The following ZNF516 variants were observed in gnomAD, a reference collection of about 807,000 sequenced individuals.
ZNF516 encodes the protein zinc finger protein 516.
ZNF516 carries 19 observed loss-of-function variants against 79.7 expected under a neutral mutation model. The observed-to-expected ratio is 0.24, with a 90% CI of 0.17 to 0.35. The LOEUF (loss-of-function observed/expected upper bound fraction) is 0.35. ZNF516 is among the 10% of genes least tolerant of loss of function. ZNF516 has a pLI of 1.00. For synonymous variants in ZNF516, 877 were observed against 739.5 expected (o/e 1.19, Z -3.02); for missense variants, 1,678 against 1,679.5 (o/e 1.00, Z 0.02).
At chr18:76,378,772 C>G (rs556581473) in intron 4 of ZNF516, 83 bp downstream of exon 4, 6 of 1,510,742 alleles carry the variant, frequency 4.0e-6, no homozygotes, top group Admixed American at 2.1e-5. Context: ...CATGGACAGG[C>G]AGGTGCGCAG....
rs139538240 is a variant in ZNF516 at position 76,451,454 on chromosome 18, G to A, written c.-157-8243C>T. Among the ~76,000 whole-genome samples the A allele has an allele frequency of 6.5e-4, 99 of 152,312 alleles. 1 individual carries two copies. Among genetic ancestry groups the A allele is most frequent in the African/African-American group, 2.2e-3 (93 of 41,558 alleles). Reference sequence around the variant, plus strand: ...GAGGAATTGGGGAGGGAGGGAAAACGCCAAAAAGCTCAAAGCAGACAGAAT... The same window carrying A: ...GAGGAATTGGGGAGGGAGGGAAAACACCAAAAAGCTCAAAGCAGACAGAAT... On this transcript the variant is annotated intron_variant, in intron 2 of 6. Transcript: ENST00000443185. This position sits in a 1 kb window ranked among gnomAD's most constrained non-coding sequence, Gnocchi z 6.0.
In ZNF516 at chr18:76,459,430, C is replaced by T. The variant is rs1488276877; in HGVS notation, c.-158+3598G>A. On this transcript the variant is annotated intron_variant, in intron 2 of 6. Transcript: ENST00000443185. The surrounding 1 kb of genome is among the most constrained non-coding windows in gnomAD (Gnocchi z 5.0). ...TCCTTCGTGGGAGAAAACTCTGGCC[C>T]TCCACTGCCGGCCAGGGAGGCCTCG... Among the ~76,000 whole-genome samples, 1 of 152,236 alleles carries T rather than the reference C, an allele frequency of 6.6e-6. No individual in the cohort carries two copies. The highest frequency in any genetic ancestry group is 1.5e-5 in the Non-Finnish European group (1 of 68,042).
chr18:76,369,941 A>C (rs561574167), intron 6 of ZNF516, among the ~76,000 whole-genome samples: 1 of 152,194 alleles, frequency 6.6e-6, no homozygotes, highest in Non-Finnish European at 1.5e-5. Context: ...CAGGACTCAG[A>C]ACCGTGTGCT....
rs1915430445 is a variant in ZNF516, at chr18:76,495,124, C to A, written c.-272+20G>T. On this transcript the variant is annotated intron_variant, in intron 1 of 6. Coordinates refer to ENST00000443185, the MANE Select transcript of ZNF516 (RefSeq NM_014643.4). Reference sequence around the variant, plus strand: ...CCGCGGCCCCTGCGGCGCAGCCCTCCCCCCGCCCGCGGCCCCTACCTTGGC... The same window carrying A: ...CCGCGGCCCCTGCGGCGCAGCCCTCACCCCGCCCGCGGCCCCTACCTTGGC... The A allele has an allele frequency of 1.3e-5, 2 of 149,828 alleles. No individual in the cohort carries two copies. The highest frequency in any genetic ancestry group is 3.0e-5 in the Non-Finnish European group (2 of 67,110). 9.3% of individuals were successfully genotyped at this position (149,828 alleles called of 1,614,324 possible). A position where few individuals can be genotyped will look rare whatever the true frequency, so the allele number is the denominator to read the frequency against.
At chr18:76,429,184 G>T (rs2075631682) in intron 3 of ZNF516, among the ~76,000 whole-genome samples, 1 of 152,240 alleles carries the variant, frequency 6.6e-6, no homozygotes, top group African/African-American at 2.4e-5. Flanking sequence ...CAGGGCATCA[G>T]AAAGAGCTGA....
At chr18:76,477,225 A>G (rs1914224656) in intron 1 of ZNF516, among the ~76,000 whole-genome samples, 1 of 152,224 alleles carries the variant, frequency 6.6e-6, no homozygotes, top group African/African-American at 2.4e-5. Context: ...CTGATACTGC[A>G]ATTCCACAAG....
chr18:76,384,236 G>A (rs940776579), intron 3 of ZNF516, among the ~76,000 whole-genome samples: 2 of 151,656 alleles, frequency 1.3e-5, no homozygotes, highest in East Asian at 1.9e-4. Flanking sequence ...GGTGGCAGCA[G>A]GCACAGGACA....
chr18:76,463,557 C>T (rs1235173282), intron 1 of ZNF516, among the ~76,000 whole-genome samples: 5 of 152,254 alleles, frequency 3.3e-5, no homozygotes, highest in African/African-American at 4.8e-5. Context: ...CACTGCCGAC[C>T]GCCAGAAATG....
intron 4 of ZNF516, among the ~76,000 whole-genome samples, chr18:76,375,768 A>AGGAT (rs2074778072): frequency 6.7e-6 from 1 of 148,960 alleles, no homozygotes; most frequent in Non-Finnish European, 1.5e-5. Context: ...GACCAGGTAG[A>AGGAT]GGATGGATGG....
intron 6 of ZNF516, among the ~76,000 whole-genome samples, chr18:76,369,614 T>G (rs1228638119): frequency 6.6e-6 from 1 of 152,174 alleles, no homozygotes; most frequent in Non-Finnish European, 1.5e-5. Context: ...TGAGATCCCT[T>G]GGAGGTCTTA....
chr18:76,470,933 G>GA (rs1913797413), intron 1 of ZNF516, among the ~76,000 whole-genome samples: 1 of 152,088 alleles, frequency 6.6e-6, no homozygotes, highest in Non-Finnish European at 1.5e-5. Context: ...AAAGAAAAAA[G>GA]AAAAACAGTT....
At chr18:76,428,949 C>A (rs181593079) in intron 3 of ZNF516, among the ~76,000 whole-genome samples, 1 of 152,164 alleles carries the variant, frequency 6.6e-6, no homozygotes, top group Admixed American at 6.5e-5. Context: ...CCATAGCTAG[C>A]CCTGAAGCCC....
intron 3 of ZNF516, among the ~76,000 whole-genome samples, chr18:76,437,885 C>T (rs1238527695): frequency 6.6e-6 from 1 of 152,190 alleles, no homozygotes; most frequent in Non-Finnish European, 1.5e-5. Flanking sequence ...TACACAGGGC[C>T]AACTGTACTT....
chr18:76,410,750 C>T (rs765072436), intron 3 of ZNF516, among the ~76,000 whole-genome samples: 203 of 152,170 alleles, frequency 1.3e-3, no homozygotes, highest in Non-Finnish European at 1.2e-3. Context: ...AGAAATTTTA[C>T]CACAGGATTC....
intron 4 of ZNF516, among the ~76,000 whole-genome samples, chr18:76,376,001 G>C (rs2074782220): frequency 6.6e-6 from 1 of 152,182 alleles, no homozygotes; most frequent in African/African-American, 2.4e-5. Flanking sequence ...AGACCAGGCA[G>C]AGGATAGATG....
chr18:76,380,633 T>A (rs2074876297), intron 3 of ZNF516, among the ~76,000 whole-genome samples: 1 of 152,104 alleles, frequency 6.6e-6, no homozygotes, highest in South Asian at 2.1e-4. Flanking sequence ...GGGAAAAAAA[T>A]TAATTATTCA....
chr18:76,405,602 T>G (rs1440329040), intron 3 of ZNF516, among the ~76,000 whole-genome samples: 1 of 152,086 alleles, frequency 6.6e-6, no homozygotes. Context: ...CACCCGGTTC[T>G]GTTGTGTTCT....
chr18:76,381,753 G>C (rs1049645422), intron 3 of ZNF516, among the ~76,000 whole-genome samples: 3 of 152,218 alleles, frequency 2.0e-5, no homozygotes, highest in Non-Finnish European at 2.9e-5. Flanking sequence ...CAGCAGTTAA[G>C]GGCTGATCAG....
rs1915291427 is a variant in ZNF516, at chr18:76,492,507, CCCAGTGAGAAAATCA to C, written c.-272+2622_-272+2636del. ...ATTTGCCAGGGACTAGGCATCAACT[CCCAGTGAGAAAATCA>C]CATGTGAAGTTGGAAGACACATGCT... On this transcript the variant is annotated intron_variant, in intron 1 of 6. Transcript: ENST00000443185. The C allele has an allele frequency of 2.2e-5, 9 of 404,888 alleles. No individual in the cohort carries two copies. The South Asian group carries it at 9.1e-4, about 41-fold the overall frequency. 25.1% of individuals were successfully genotyped at this position (404,888 alleles called of 1,614,324 possible).
Sources: gnomAD v4.1 joint callset for allele counts (sites outside exome capture counted in the v4.1 genomes callset) on GRCh38, gnomAD v4.1.1 for gene constraint, Gnocchi (gnomAD v3.1) non-coding constraint, MANE v1.5 for transcripts, NCBI Gene and HGNC (gene_info 2026-07-23, HGNC 2026-07-21) for gene names.